Variants in PRSS3 observed in about 807,000 individuals in gnomAD.
PRSS3 encodes serine protease 3, also known as trypsin-3.
Under a neutral mutation model 20.8 loss-of-function variants are expected in PRSS3, and 14 were observed. The observed-to-expected ratio is 0.67, with a 90% CI of 0.44 to 1.05. The LOEUF (loss-of-function observed/expected upper bound fraction) is 1.05. PRSS3 is among the 50% of genes least tolerant of loss of function. PRSS3 has a pLI of 0.00. For synonymous variants in PRSS3, 91 were observed against 117.6 expected (o/e 0.77, Z 1.46); for missense variants, 237 against 306.4 (o/e 0.77, Z 1.69).
At chr9:33,780,502 C>G (rs555446796) in intron 1 of PRSS3, among the ~76,000 whole-genome samples, 2 of 152,286 alleles carry the variant, frequency 1.3e-5, no homozygotes, top group South Asian at 2.1e-4. Flanking sequence ...GCTGTCAAGT[C>G]TACATAACAA....
intron 1 of PRSS3, among the ~76,000 whole-genome samples, chr9:33,759,814 G>C (rs892866651): frequency 2.0e-5 from 3 of 152,210 alleles, no homozygotes; most frequent in Non-Finnish European, 4.4e-5. Context: ...GTTCTTGCAA[G>C]GGGAAGAGGA....
Position 33,777,688 on chromosome 9 carries a change from A to G in PRSS3, c.-52-17058A>G, listed in dbSNP as rs1823998901. On this transcript the variant is annotated intron_variant, in intron 1 of 5. Transcript: ENST00000342836. ...GCGCTACTGCACTCCACCCTGGGCG[A>G]CAGAGCGAGACTGCGTCTCAAAAAA... 2.0e-5 allele frequency among the ~76,000 whole-genome samples: 3 copies of G among 150,800 alleles called. No homozygotes were observed. In the South Asian group the frequency reaches 6.3e-4, roughly 31 times the overall value.
Position 33,778,364 on chromosome 9 carries a change from T to G in PRSS3, c.-52-16382T>G, listed in dbSNP as rs542461645. Among the ~76,000 whole-genome samples, 4 of 152,156 alleles carry G rather than the reference T, an allele frequency of 2.6e-5. No homozygotes were observed. The East Asian group carries it at 7.7e-4, about 29-fold the overall frequency. On this transcript the variant is annotated intron_variant, in intron 1 of 5. Coordinates refer to the PRSS3 transcript ENST00000342836. The stretch of plus-strand genomic sequence containing the variant: ...TTCTATTCCATATTGTACTGATGCA[T>G]AAAGACAAGAAAAATACTAAAAAGC...
chr9:33,757,602 G>A (rs1231743017), intron 1 of PRSS3, among the ~76,000 whole-genome samples: 1 of 151,904 alleles, frequency 6.6e-6, no homozygotes, highest in Non-Finnish European at 1.5e-5. Flanking sequence ...ATTAGACCCT[G>A]GATTTTTTGC....
chr9:33,791,280 G>A (rs892478810), upstream of PRSS3, among the ~76,000 whole-genome samples: 4 of 152,332 alleles, frequency 2.6e-5, no homozygotes, highest in South Asian at 2.1e-4. Context: ...GCTCTGGGGT[G>A]GAAGGTTCTC....
intron 2 of PRSS3, among the ~76,000 whole-genome samples, chr9:33,797,532 C>T (rs1426303400): frequency 1.3e-5 from 2 of 149,982 alleles, no homozygotes; most frequent in East Asian, 3.9e-4. Flanking sequence ...GCCCACAGTG[C>T]TAGTGACTGT....
At chr9:33,752,399 G>A (rs1413501196) in intron 1 of PRSS3, among the ~76,000 whole-genome samples, 1 of 152,190 alleles carries the variant, frequency 6.6e-6, no homozygotes, top group Non-Finnish European at 1.5e-5. Flanking sequence ...AAATGGGTGA[G>A]GACAGTTTCA....
chr9:33,751,022 G>A (rs867965499), intron 1 of PRSS3, among the ~76,000 whole-genome samples: 11 of 152,124 alleles, frequency 7.2e-5, no homozygotes, highest in Middle Eastern at 3.2e-3. Context: ...GCCCCCGAGT[G>A]CCTATGTCCG....
intron 1 of PRSS3, among the ~76,000 whole-genome samples, chr9:33,782,891 A>C (rs2119004094): frequency 6.6e-6 from 1 of 152,348 alleles, no homozygotes; most frequent in Middle Eastern, 3.4e-3. Context: ...AAATAAGAGC[A>C]TACATCTACA....
upstream of PRSS3, chr9:33,795,389 G>C (rs1476080813): frequency 3.9e-6 from 3 of 767,300 alleles, no homozygotes; most frequent in Admixed American, 7.2e-5. Context: ...TATCACCTGT[G>C]AATCACAAAC....
At chr9:33,761,218 A>C (rs1231121679) in intron 1 of PRSS3, among the ~76,000 whole-genome samples, 1 of 152,212 alleles carries the variant, frequency 6.6e-6, no homozygotes, top group Non-Finnish European at 1.5e-5. Context: ...CTACACATCT[A>C]GGCTATGCGG....
In PRSS3 at chr9:33,796,764, C is replaced by A. The variant is rs146980577; in HGVS notation, c.162C>A (p.Ser54Arg). 1 of 1,605,688 alleles carries A rather than the reference C, an allele frequency of 6.2e-7. No individual in the cohort carries two copies. The highest frequency in any genetic ancestry group is 1.1e-5 in the South Asian group (1 of 90,884). Residue 54 changes from serine to arginine, a missense_variant, in exon 2 of 5, where the codon AGC (serine) becomes AGA (arginine). Physicochemically the swap from Ser to Arg is moderately radical, Grantham distance 110 (BLOSUM62 -1). Coordinates refer to ENST00000379405, the MANE Select transcript of PRSS3 (RefSeq NM_002771.4). ...ACTTCTGCGGTGGCTCCCTCATCAG[C>A]GAACAGTGGGTGGTATCAGCAGCTC... ...GSHFCGGSLI[S>R]EQWVVSAAHC...
upstream of PRSS3, chr9:33,794,930 A>G: frequency 6.5e-7 from 1 of 1,535,726 alleles, no homozygotes; most frequent in African/African-American, 1.4e-5. Context: ...CCATCCTTTT[A>G]AGCCTTGGTA....
chr9:33,796,792 T>C lies in PRSS3; in HGVS notation c.190T>C (p.Cys64Arg). 1.2e-6 allele frequency: 2 copies of C among 1,614,010 alleles called. No individual in the cohort carries two copies. The highest frequency in any genetic ancestry group is 1.7e-6 in the Non-Finnish European group (2 of 1,179,862). ...ACAGTGGGTGGTATCAGCAGCTCAC[T>C]GCTACAAGACGTAAGTGTGGGGCCC... ...SEQWVVSAAH[C>R]YKTRIQVRLG... is the part of the protein sequence containing the mutation. Residue 64 changes from cysteine (C) to arginine (R), a missense_variant, in exon 2 of 5, where the codon TGC (cysteine) becomes CGC (arginine). Transcript: ENST00000379405.
At chr9:33,756,379 G>A (rs868311028) in intron 1 of PRSS3, among the ~76,000 whole-genome samples, 1 of 151,972 alleles carries the variant, frequency 6.6e-6, no homozygotes, top group African/African-American at 2.4e-5. Flanking sequence ...GTTGGGGTGG[G>A]GTTTTTTGGC....
chr9:33,756,056 A>G (rs1159971461), intron 1 of PRSS3, among the ~76,000 whole-genome samples: 1 of 152,156 alleles, frequency 6.6e-6, no homozygotes, highest in Non-Finnish European at 1.5e-5. Context: ...TTCTTAAAGA[A>G]GGCTCCCAAA....
chr9:33,767,266 C>T (rs1823476211), intron 1 of PRSS3, among the ~76,000 whole-genome samples: 1 of 151,218 alleles, frequency 6.6e-6, no homozygotes, highest in Non-Finnish European at 1.5e-5. Context: ...ACCAGCCTGG[C>T]CCGACAGAGG....
chr9:33,790,702 A>G (rs1563966012), upstream of PRSS3, among the ~76,000 whole-genome samples: 2 of 152,234 alleles, frequency 1.3e-5, no homozygotes, highest in African/African-American at 2.4e-5. Flanking sequence ...ACCTCCTCAC[A>G]TGTGCATAAA....
intron 1 of PRSS3, among the ~76,000 whole-genome samples, chr9:33,758,093 C>T (rs1563955976): frequency 6.6e-6 from 1 of 151,492 alleles, no homozygotes; most frequent in Non-Finnish European, 1.5e-5. Flanking sequence ...ACTGTAGTGC[C>T]CTTCCCTTCC....
Sources: allele counts gnomAD v4.1 joint callset (sites outside exome capture counted in the v4.1 genomes callset), GRCh38; gene constraint gnomAD v4.1.1; transcripts MANE v1.5; gene names NCBI Gene and HGNC (gene_info 2026-07-23, HGNC 2026-07-21).